Variants in DNAI2 observed in about 807,000 individuals in gnomAD.
DNAI2 encodes the protein dynein, axonemal, intermediate polypeptide 2.
In DNAI2, 63 loss-of-function variants were observed where a neutral mutation model predicts 74.7. That is an observed-to-expected ratio of 0.84 (90% CI 0.69 to 1.04). The LOEUF is 1.04. DNAI2 is among the 50% of genes least tolerant of loss of function. The pLI, the probability that DNAI2 is intolerant of heterozygous loss-of-function variation, is 0.00. For missense variants in DNAI2, 688 were observed against 803.2 expected, an observed-to-expected ratio of 0.86 and a Z score of 1.73; for synonymous variants, 289 against 314.9, an observed-to-expected ratio of 0.92 and a Z score of 0.87.
intron 6 of DNAI2, among the ~76,000 whole-genome samples, chr17:74,292,420 T>C (rs1256160189): frequency 1.4e-5 from 2 of 146,760 alleles, no homozygotes; most frequent in South Asian, 2.1e-4. Context: ...TTTTTCTTTT[T>C]TTTTTTTTTT....
At chr17:74,291,194 C>A in intron 6 of DNAI2, 61 bp downstream of exon 6, 1 of 1,410,480 alleles carries the variant, frequency 7.1e-7, no homozygotes, top group African/African-American at 1.4e-5. Flanking sequence ...GAATTTTGCT[C>A]TTGTTTCCCA....
rs2053724183 is a variant in DNAI2 at position 74,314,625 on chromosome 17, C to T, written c.*92C>T. 4.3e-6 allele frequency: 1 copy of T among 234,596 alleles called. No individual in the cohort carries two copies. The highest frequency in any genetic ancestry group is 8.7e-6 in the Non-Finnish European group (1 of 115,128). The allele number at this position is 234,596 out of a possible 1,614,324, so 14.5% of individuals were successfully genotyped here. A position where few individuals can be genotyped will look rare whatever the true frequency, so the allele number is the denominator to read the frequency against. ...GACTTGCATGGCCATGGCAGGGCCTCGGGAAGACCTTCAGGAGTGGGGAAG... is the reference window on the plus strand; with the variant it reads ...GACTTGCATGGCCATGGCAGGGCCTTGGGAAGACCTTCAGGAGTGGGGAAG... On this transcript the variant is annotated 3_prime_UTR_variant, in exon 14 of 14. Transcript: ENST00000311014.
intron 9 of DNAI2, among the ~76,000 whole-genome samples, chr17:74,305,918 C>T (rs1463253704): frequency 6.6e-6 from 1 of 152,102 alleles, no homozygotes; most frequent in East Asian, 1.9e-4. Context: ...GTGATCTGCC[C>T]ACCTCGGCCT....
At chr17:74,283,583 G>C (rs1015485140) in intron 2 of DNAI2, among the ~76,000 whole-genome samples, 2 of 151,984 alleles carry the variant, frequency 1.3e-5, no homozygotes, top group Admixed American at 1.3e-4. Flanking sequence ...ACTCCAGCTT[G>C]GGCAACAGAA....
At chr17:74,275,620 G>A (rs983468220) in intron 1 of DNAI2, among the ~76,000 whole-genome samples, 1 of 152,060 alleles carries the variant, frequency 6.6e-6, no homozygotes, top group Non-Finnish European at 1.5e-5. Context: ...CCAGCTACTC[G>A]GCAGGTGGAG....
At chr17:74,295,958 C>T (rs1458700244) in intron 6 of DNAI2, among the ~76,000 whole-genome samples, 1 of 152,116 alleles carries the variant, frequency 6.6e-6, no homozygotes, top group Non-Finnish European at 1.5e-5. Context: ...TACACTCAGC[C>T]AGGCAGTTGT....
In DNAI2 at chr17:74,281,849, G is replaced by A. The variant is rs762305426; in HGVS notation, c.32G>A (p.Arg11His). 3.7e-6 allele frequency: 6 copies of A among 1,614,080 alleles called. No homozygotes were observed. The highest frequency in any genetic ancestry group is 1.6e-4 in the Middle Eastern group (1 of 6,062). Residue 11 changes from arginine to histidine, a missense_variant, in exon 2 of 14, where the codon CGC becomes CAC. Coordinates refer to ENST00000311014, the MANE Select transcript of DNAI2 (RefSeq NM_023036.6). MEIVYVYVKK[R>H]SEFGKQCNFS... Reference sequence around the variant, plus strand: ...ATTGTGTACGTGTACGTCAAGAAGCGCAGCGAGTTCGGGAAGCAGTGCAAT... The same window carrying A: ...ATTGTGTACGTGTACGTCAAGAAGCACAGCGAGTTCGGGAAGCAGTGCAAT...
At chr17:74,290,985 G>A (rs765902505) in intron 5 of DNAI2, 35 bp from the exon 6 acceptor site, 21 of 1,583,214 alleles carry the variant, frequency 1.3e-5, no homozygotes, top group East Asian at 2.2e-5. Context: ...TTTTCTTTCC[G>A]GGCCTGGTGG....
rs185736785 is a variant in DNAI2 at position 74,293,691 on chromosome 17, G to A, written c.724+2558G>A. Among the ~76,000 whole-genome samples the A allele has an allele frequency of 3.1e-3, 466 of 151,632 alleles. 5 individuals are homozygous for A. Among genetic ancestry groups the A allele is most frequent in the African/African-American group, 0.011 (441 of 41,348 alleles). On this transcript the variant is annotated intron_variant, in intron 6 of 13. Transcript: ENST00000311014. ...TGAACTCCAGCCTGGGTGACAGAGCGAGACTCCATCTCAAAAAAATAAAAA... is the reference window on the plus strand; with the variant it reads ...TGAACTCCAGCCTGGGTGACAGAGCAAGACTCCATCTCAAAAAAATAAAAA...
intron 9 of DNAI2, chr17:74,307,191 C>A (rs1295375060): frequency 2.2e-6 from 1 of 454,964 alleles, no homozygotes; most frequent in Non-Finnish European, 4.4e-6. Flanking sequence ...TAGGAGCCTT[C>A]CCAATGTCTT....
chr17:74,304,180 TTTTTTC>T (rs2053038744), intron 8 of DNAI2, among the ~76,000 whole-genome samples: 3 of 134,108 alleles, frequency 2.2e-5, no homozygotes, highest in East Asian at 2.0e-4. Context: ...TTTCTTTTTC[TTTTTTC>T]TTTTTTTTTT....
At chr17:74,314,082 C>T (rs760813607) in intron 12 of DNAI2, 39 bp from the exon 13 acceptor site, 1 of 1,612,486 alleles carries the variant, frequency 6.2e-7, no homozygotes, top group Non-Finnish European at 8.5e-7. Context: ...GGCCTGTCCC[C>T]TACCAACACC....
chr17:74,281,374 T>C, intron 1 of DNAI2: 1 of 279,144 alleles, frequency 3.6e-6, no homozygotes, highest in Non-Finnish European at 6.7e-6. Context: ...TTCTCCCACC[T>C]CAGCCTCCCG....
At chr17:74,308,297 T>C (rs1053564313) in intron 9 of DNAI2, among the ~76,000 whole-genome samples, 3 of 152,156 alleles carry the variant, frequency 2.0e-5, no homozygotes, top group African/African-American at 7.2e-5. Context: ...TTTAAAAAAA[T>C]GTTCCGTCTT....
intron 1 of DNAI2, among the ~76,000 whole-genome samples, chr17:74,276,298 C>T (rs1173706054): frequency 6.6e-6 from 1 of 152,190 alleles, no homozygotes; most frequent in Non-Finnish European, 1.5e-5. Flanking sequence ...TGGACCACAG[C>T]GTCCCTGATT....
intron 6 of DNAI2, among the ~76,000 whole-genome samples, chr17:74,295,892 C>CA (rs946602660): frequency 2.8e-4 from 43 of 152,170 alleles, no homozygotes; most frequent in Middle Eastern, 6.8e-3. Flanking sequence ...CATTTGTCAC[C>CA]AAAAAATCTC....
chr17:74,279,280 G>A (rs954105321), intron 1 of DNAI2, among the ~76,000 whole-genome samples: 10 of 152,132 alleles, frequency 6.6e-5, no homozygotes, highest in Admixed American at 3.3e-4. Context: ...ACAACAGGGT[G>A]ACTATAGTCA....
rs547609783 is a variant in DNAI2, at chr17:74,300,957, C to T, written c.865-89C>T. On this transcript the variant is annotated intron_variant, in intron 7 of 13. Coordinates refer to ENST00000311014, the MANE Select transcript of DNAI2 (RefSeq NM_023036.6). The surrounding 1 kb of genome is among the most constrained non-coding windows in gnomAD (Gnocchi z 4.5). Reference sequence around the variant, plus strand: ...CCATCCTTTGTGGCCCAGTGGCTGACCCCAGGACGGTGGGGTGAGGGCGGA... The same window carrying T: ...CCATCCTTTGTGGCCCAGTGGCTGATCCCAGGACGGTGGGGTGAGGGCGGA... The T allele has an allele frequency of 8.2e-6, 13 of 1,583,150 alleles. No individual in the cohort carries two copies. The highest frequency in any genetic ancestry group is 1.1e-5 in the Non-Finnish European group (13 of 1,161,246).
At chr17:74,277,700 T>G (rs994867920) in intron 1 of DNAI2, among the ~76,000 whole-genome samples, 3 of 152,124 alleles carry the variant, frequency 2.0e-5, no homozygotes, top group Non-Finnish European at 4.4e-5. Flanking sequence ...AGAGGGTAGG[T>G]AAGACACAGG....
Sources: allele counts gnomAD v4.1 joint callset (sites outside exome capture counted in the v4.1 genomes callset), GRCh38; gene constraint gnomAD v4.1.1; non-coding constraint Gnocchi (gnomAD v3.1); transcripts MANE v1.5; gene names NCBI Gene and HGNC (gene_info 2026-07-23, HGNC 2026-07-21).